Variants in GNA14 observed in about 807,000 individuals in gnomAD.
GNA14 encodes the protein guanine nucleotide-binding protein subunit alpha-14.
GNA14 carries 50 observed loss-of-function variants against 42.0 expected under a neutral mutation model. The ratio of observed to expected loss-of-function variants is 1.19; its 90% confidence interval spans 0.95 to 1.51. The LOEUF (loss-of-function observed/expected upper bound fraction) is 1.51, where lower values mean the gene tolerates loss of function less well. Ranked by LOEUF, GNA14 falls within the 40% of genes most tolerant of loss-of-function variation. The pLI, the probability that GNA14 is intolerant of heterozygous loss-of-function variation, is 0.00. For synonymous variants in GNA14, 173 were observed against 163.1 expected (o/e 1.06, Z -0.46); for missense variants, 473 against 446.2 (o/e 1.06, Z -0.54).
intron 1 of GNA14, among the ~76,000 whole-genome samples, chr9:77,618,591 TATATATA>T (rs2117964167): frequency 6.4e-5 from 1 of 15,532 alleles, no homozygotes; most frequent in African/African-American, 2.2e-4. Context: ...AATATATATA[TATATATA>T]TATATATATA....
intron 2 of GNA14, among the ~76,000 whole-genome samples, chr9:77,434,912 G>A (rs999687607): frequency 6.6e-6 from 1 of 152,108 alleles, no homozygotes; most frequent in African/African-American, 2.4e-5. Context: ...AGCCAATGAG[G>A]CCATTTAAAA....
At chr9:77,530,154 G>T (rs1015889432) in intron 1 of GNA14, among the ~76,000 whole-genome samples, 2 of 152,116 alleles carry the variant, frequency 1.3e-5, no homozygotes, top group African/African-American at 4.8e-5. Flanking sequence ...ACATTGAATT[G>T]TAATCCCCAG....
intron 1 of GNA14, among the ~76,000 whole-genome samples, chr9:77,566,275 C>T (rs969603136): frequency 1.3e-5 from 2 of 151,452 alleles, no homozygotes; most frequent in Admixed American, 1.3e-4. Flanking sequence ...GAGCCTCAGC[C>T]TCCTGAGTAG....
chr9:77,569,112 G>A (rs141256959), intron 1 of GNA14, among the ~76,000 whole-genome samples: 1 of 150,538 alleles, frequency 6.6e-6, no homozygotes, highest in African/African-American at 2.4e-5. Context: ...CACCCCAGAT[G>A]CATTTTAAAC....
intron 2 of GNA14, among the ~76,000 whole-genome samples, chr9:77,506,185 G>A (rs1217772838): frequency 6.6e-6 from 1 of 151,090 alleles, no homozygotes; most frequent in African/African-American, 2.4e-5. Context: ...GGGAGGCTGA[G>A]GTGGGAGGAT....
At chr9:77,481,944 C>T (rs374963300) in intron 2 of GNA14, among the ~76,000 whole-genome samples, 11 of 151,916 alleles carry the variant, frequency 7.2e-5, no homozygotes, top group Non-Finnish European at 1.2e-4. Flanking sequence ...TATGTATGTC[C>T]CTGCATGTGA....
At chr9:77,427,324 TAA>T (rs10710907) in intron 5 of GNA14, among the ~76,000 whole-genome samples, 29,953 of 146,876 alleles carry the variant, frequency 0.2, 3,340 homozygotes, top group East Asian at 0.49. Context: ...GTCTTGCCTT[TAA>T]AAAAAAAAAA....
chr9:77,589,109 C>G (rs1225637953), intron 1 of GNA14, among the ~76,000 whole-genome samples: 1 of 152,146 alleles, frequency 6.6e-6, no homozygotes, highest in Non-Finnish European at 1.5e-5. Flanking sequence ...TTTGTATGCC[C>G]CAGGAATCTA....
rs189596243 is a variant in GNA14, at chr9:77,644,702, G to A, written c.124+2968C>T. Among the ~76,000 whole-genome samples the A allele has an allele frequency of 7.3e-4, 99 of 136,366 alleles. No homozygotes were observed. In the East Asian group the frequency reaches 0.02, roughly 28 times the overall value. The allele number at this position is 136,366 out of a possible 152,430, so 89.5% of individuals were successfully genotyped here. ...ACTAATTCAGCCATATCTGTTAAAT[G>A]CTCAATTCCTCTTCCTTCCAGAGAG... On this transcript the variant is annotated intron_variant, in intron 1 of 6. Coordinates refer to ENST00000341700, the MANE Select transcript of GNA14 (RefSeq NM_004297.4).
At chr9:77,468,795 G>A (rs1047671803) in intron 2 of GNA14, among the ~76,000 whole-genome samples, 3 of 152,206 alleles carry the variant, frequency 2.0e-5, no homozygotes, top group South Asian at 2.1e-4. Context: ...CACGGTAACT[G>A]TGTGAAGCAC....
At chr9:77,613,282 C>T (rs1823760686) in intron 1 of GNA14, among the ~76,000 whole-genome samples, 1 of 152,190 alleles carries the variant, frequency 6.6e-6, no homozygotes, top group South Asian at 2.1e-4. Flanking sequence ...TGCTTCTCTA[C>T]ACTCACAAAC....
chr9:77,518,534 A>G (rs1044575039), intron 2 of GNA14, among the ~76,000 whole-genome samples: 2 of 152,150 alleles, frequency 1.3e-5, no homozygotes, highest in African/African-American at 4.8e-5. Flanking sequence ...GGTCTCCCAC[A>G]TGCCATCTTT....
At chr9:77,636,871 C>G (rs1466709438) in intron 1 of GNA14, among the ~76,000 whole-genome samples, 1 of 152,118 alleles carries the variant, frequency 6.6e-6, no homozygotes, top group African/African-American at 2.4e-5. Context: ...GCCAATGTTC[C>G]ATGGAGAGTG....
intron 1 of GNA14, among the ~76,000 whole-genome samples, chr9:77,626,395 C>T (rs1824013500): frequency 6.6e-6 from 1 of 152,218 alleles, no homozygotes; most frequent in Admixed American, 6.5e-5. Context: ...ACCTAATAGA[C>T]ATCTACAGAA....
At chr9:77,445,437 G>A (rs1192131301) in intron 2 of GNA14, among the ~76,000 whole-genome samples, 3 of 151,660 alleles carry the variant, frequency 2.0e-5, no homozygotes, top group Non-Finnish European at 1.5e-5. Context: ...TTGGGGCCCA[G>A]CAAGGTGGCT....
At chr9:77,433,367 T>A (rs1835588895) in intron 3 of GNA14, among the ~76,000 whole-genome samples, 1 of 151,816 alleles carries the variant, frequency 6.6e-6, no homozygotes, top group Non-Finnish European at 1.5e-5. Flanking sequence ...CCCCGGGATA[T>A]TATTATTTAT....
At chr9:77,450,076 C>A (rs1003952971) in intron 2 of GNA14, among the ~76,000 whole-genome samples, 1 of 152,218 alleles carries the variant, frequency 6.6e-6, no homozygotes, top group African/African-American at 2.4e-5. Flanking sequence ...CTTATGCATC[C>A]TCAGGGCATT....
Position 77,584,591 on chromosome 9 carries a change from A to G in GNA14, c.125-55338T>C, listed in dbSNP as rs182172300. Among the ~76,000 whole-genome samples, 715 of 141,904 alleles carry G rather than the reference A, an allele frequency of 5.0e-3. 7 individuals are homozygous for G. Among genetic ancestry groups the G allele is most frequent in the Middle Eastern group, 0.024 (7 of 286 alleles). 93.1% of individuals were successfully genotyped at this position (141,904 alleles called of 152,430 possible). A position where few individuals can be genotyped will look rare whatever the true frequency, so the allele number is the denominator to read the frequency against. ...AGCAAGCCCAAACTCAGATGATGCC[A>G]AGGGGCAGGGAGGTGTTACAGGAAA... is the stretch of plus-strand genomic sequence containing the variant. On this transcript the variant is annotated intron_variant, in intron 1 of 6. Transcript: ENST00000341700.
At chr9:77,508,756 G>GA (rs963817018) in intron 2 of GNA14, among the ~76,000 whole-genome samples, 2 of 152,136 alleles carry the variant, frequency 1.3e-5, no homozygotes, top group African/African-American at 4.8e-5. Flanking sequence ...CTGGGTCAGG[G>GA]AAAATAAAAG....
Sources: gnomAD v4.1 joint callset for allele counts (sites outside exome capture counted in the v4.1 genomes callset) on GRCh38, gnomAD v4.1.1 for gene constraint, MANE v1.5 for transcripts, NCBI Gene and HGNC (gene_info 2026-07-23, HGNC 2026-07-21) for gene names.